The following VDAC1 variants were observed in gnomAD, a reference collection of about 807,000 sequenced individuals.
VDAC1 encodes non-selective voltage-gated ion channel VDAC1.
In VDAC1, 10 loss-of-function variants were observed where a neutral mutation model predicts 34.7. That is an observed-to-expected ratio of 0.29 (90% CI 0.18 to 0.49). VDAC1 has a LOEUF of 0.49. Ranked by LOEUF, VDAC1 falls within the 20% of genes least tolerant of loss-of-function variation. VDAC1 has a pLI of 0.99. For synonymous variants in VDAC1, 130 were observed against 136.0 expected (o/e 0.96, Z 0.30); for missense variants, 230 against 347.9 (o/e 0.66, Z 2.69).
the VDAC1 span, among the ~76,000 whole-genome samples, chr5:134,021,473 T>C: frequency 6.6e-6 from 1 of 151,202 alleles, no homozygotes; most frequent in Non-Finnish European, 1.5e-5. Flanking sequence ...TTGCTGAGAA[T>C]GATGGTTTCC....
the VDAC1 span, among the ~76,000 whole-genome samples, chr5:134,028,031 A>T: frequency 6.6e-6 from 1 of 151,692 alleles, no homozygotes; most frequent in Non-Finnish European, 1.5e-5. Context: ...TTGGCCTCCC[A>T]AAGTGCTGAG....
At position 133,998,173 on chromosome 5, in the gene VDAC1, C is replaced by A. The variant is rs900420673; in HGVS notation, c.-6-5155G>T. On this transcript the variant is annotated intron_variant, in intron 1 of 8. Coordinates refer to ENST00000265333, the MANE Select transcript of VDAC1 (RefSeq NM_003374.3). ...ATGTAATTGGAGGAAAACCTTTTTA[C>A]ACATCTTTCTATGTTCATGAATGGA... 1.1e-4 allele frequency among the ~76,000 whole-genome samples: 16 copies of A among 151,798 alleles called. No homozygotes were observed. In the East Asian group the frequency reaches 3.1e-3, roughly 29 times the overall value.
chr5:134,091,637 C>T, the VDAC1 span, among the ~76,000 whole-genome samples: 1 of 152,106 alleles, frequency 6.6e-6, no homozygotes, highest in African/African-American at 2.4e-5. Context: ...TGAGCTCTTG[C>T]TGCCCTGCTG....
chr5:133,995,150 A>C (rs1753250407), intron 1 of VDAC1, among the ~76,000 whole-genome samples: 2 of 152,206 alleles, frequency 1.3e-5, no homozygotes, highest in Non-Finnish European at 2.9e-5. Context: ...AGGCCACTAA[A>C]GAGATTACCA....
chr5:134,012,027 GAGAC>G, the VDAC1 span, among the ~76,000 whole-genome samples: 4 of 151,952 alleles, frequency 2.6e-5, no homozygotes, highest in Non-Finnish European at 5.9e-5. Context: ...GGTGGGGAGA[GAGAC>G]AGAGAGAGAA....
At chr5:133,981,159 C>A in intron 5 of VDAC1, 1 of 578,452 alleles carries the variant, frequency 1.7e-6, no homozygotes, top group Non-Finnish European at 3.1e-6. Context: ...TGCAGAAACC[C>A]CACAATAACG....
intron 5 of VDAC1, among the ~76,000 whole-genome samples, chr5:133,984,375 A>G (rs1360023635): frequency 7.1e-6 from 1 of 141,724 alleles, no homozygotes; most frequent in Non-Finnish European, 1.5e-5. Context: ...ATTTCTTTAG[A>G]GCAATGCAAG....
the VDAC1 span, among the ~76,000 whole-genome samples, chr5:134,084,218 G>A: frequency 6.6e-6 from 1 of 152,338 alleles, no homozygotes; most frequent in Admixed American, 6.5e-5. Context: ...GAAACCTGTT[G>A]ATCTAAGGCA....
chr5:134,037,691 A>G, the VDAC1 span, among the ~76,000 whole-genome samples: 1 of 152,272 alleles, frequency 6.6e-6, no homozygotes, highest in Non-Finnish European at 1.5e-5. Context: ...CTTTCCTGAA[A>G]TGTACCCCTG....
At chr5:134,004,142 C>T (rs1459330002) in intron 1 of VDAC1, among the ~76,000 whole-genome samples, 1 of 152,130 alleles carries the variant, frequency 6.6e-6, no homozygotes. Flanking sequence ...CCGGCCAGGG[C>T]GCGTGGGCCT....
intron 6 of VDAC1, among the ~76,000 whole-genome samples, chr5:133,976,973 G>A (rs1289576501): frequency 1.3e-5 from 2 of 152,216 alleles, no homozygotes; most frequent in Non-Finnish European, 2.9e-5. Flanking sequence ...GAACCCAGGA[G>A]GCAGAGGTTG....
chr5:134,087,004 C>T, the VDAC1 span, among the ~76,000 whole-genome samples: 1 of 152,006 alleles, frequency 6.6e-6, no homozygotes, highest in Non-Finnish European at 1.5e-5. Context: ...ACAAAGCAAC[C>T]ACAGCTTTTA....
intron 1 of VDAC1, among the ~76,000 whole-genome samples, chr5:134,000,151 G>T (rs1392980050): frequency 6.6e-6 from 1 of 152,090 alleles, no homozygotes; most frequent in Non-Finnish European, 1.5e-5. Context: ...TCTCTTTCTT[G>T]CCAGGAAGAA....
chr5:133,995,972 TAC>T (rs1753287615), intron 1 of VDAC1, among the ~76,000 whole-genome samples: 1 of 151,934 alleles, frequency 6.6e-6, no homozygotes, highest in African/African-American at 2.4e-5. Context: ...TCGGAGCCTG[TAC>T]AGTTAGCTAC....
chr5:134,077,613 G>C, the VDAC1 span, among the ~76,000 whole-genome samples: 1 of 152,214 alleles, frequency 6.6e-6, no homozygotes, highest in South Asian at 2.1e-4. Context: ...CTCTGTTTAA[G>C]AGCTTAATGC....
chr5:134,050,541 CG>C, the VDAC1 span, among the ~76,000 whole-genome samples: 1 of 152,066 alleles, frequency 6.6e-6, no homozygotes, highest in Non-Finnish European at 1.5e-5. Context: ...ATAGGGAGGC[CG>C]ATGTCTTCCT....
chr5:134,048,965 T>C, the VDAC1 span, among the ~76,000 whole-genome samples: 15,546 of 152,222 alleles, frequency 0.1, 1,046 homozygotes, highest in East Asian at 0.28. Flanking sequence ...ACAAAAGTAA[T>C]AATAATCATG....
At chr5:134,007,193 A>C (rs1753770269), upstream of VDAC1, among the ~76,000 whole-genome samples, 1 of 151,750 alleles carries the variant, frequency 6.6e-6, no homozygotes, top group Non-Finnish European at 1.5e-5. Flanking sequence ...GCGGTGAGCT[A>C]AGATCTCACC....
chr5:134,036,491 C>T, the VDAC1 span, among the ~76,000 whole-genome samples: 2 of 152,048 alleles, frequency 1.3e-5, no homozygotes. Context: ...AACATAATGT[C>T]GGATCCTTGG....
Sources: allele counts gnomAD v4.1 joint callset (sites outside exome capture counted in the v4.1 genomes callset), GRCh38; gene constraint gnomAD v4.1.1; transcripts MANE v1.5; gene names NCBI Gene and HGNC (gene_info 2026-07-23, HGNC 2026-07-21).